Variants in TBL1XR1 observed in about 807,000 individuals in gnomAD.
The protein encoded by TBL1XR1 is TBL1X/Y related 1.
Under a neutral mutation model 66.9 loss-of-function variants are expected in TBL1XR1, and 5 were observed. The ratio of observed to expected loss-of-function variants is 0.07; its 90% CI spans 0.04 to 0.16. TBL1XR1 has a LOEUF of 0.16. TBL1XR1 is among the 10% of genes least tolerant of loss of function. The pLI is 1.00. For synonymous variants in TBL1XR1, 210 were observed against 206.0 expected (o/e 1.02, Z -0.17); for missense variants, 238 against 623.2 (o/e 0.38, Z 6.58).
chr3:177,135,178 T>C (rs1728784507), intron 1 of TBL1XR1, among the ~76,000 whole-genome samples: 1 of 149,612 alleles, frequency 6.7e-6, no homozygotes, highest in Non-Finnish European at 1.5e-5. Flanking sequence ...ATTTTTGTAT[T>C]TTTAGTAGAG....
intron 1 of TBL1XR1, among the ~76,000 whole-genome samples, chr3:177,134,971 G>GTGTC (rs1553852564): frequency 0.016 from 2,396 of 146,158 alleles, 63 homozygotes; most frequent in African/African-American, 0.054. Context: ...GTGTGTCTGT[G>GTGTC]TGTGTGTCTG....
In TBL1XR1 at chr3:177,019,561, A is replaced by T. The variant is rs1712096899; in HGVS notation, c.*5937T>A. ...TGGTACAGCAGAGAAAAGCACCATA[A>T]AACTACCATCTAAAGTGTCTTTTCC... On this transcript the variant is annotated 3_prime_UTR_variant, in exon 16 of 16. Coordinates refer to ENST00000457928, the MANE Select transcript of TBL1XR1 (RefSeq NM_024665.7). 1 of 152,234 alleles carries T rather than the reference A, an allele frequency of 6.6e-6. No individual in the cohort carries two copies. The highest frequency in any genetic ancestry group is 1.5e-5 in the Non-Finnish European group (1 of 68,038). 9.4% of individuals were successfully genotyped at this position (152,234 alleles called of 1,614,324 possible). A position where few individuals can be genotyped will look rare whatever the true frequency, so the allele number is the denominator to read the frequency against.
At chr3:177,061,541 G>A (rs1396281734) in intron 3 of TBL1XR1, among the ~76,000 whole-genome samples, 2 of 152,104 alleles carry the variant, frequency 1.3e-5, no homozygotes, top group Admixed American at 6.5e-5. Flanking sequence ...TTTTAGTTTT[G>A]CTTTTTGGAA....
At chr3:177,059,587 T>C (rs1008185264) in intron 3 of TBL1XR1, among the ~76,000 whole-genome samples, 7 of 152,008 alleles carry the variant, frequency 4.6e-5, no homozygotes, top group African/African-American at 1.4e-4. Context: ...GAAAATCCCA[T>C]TGAAAAAGTT....
chr3:177,023,685 A>T lies in TBL1XR1; in HGVS notation c.*1813T>A, dbSNP rs1397051055. 6.6e-6 allele frequency: 1 copy of T among 152,578 alleles called. No homozygotes were observed. Among genetic ancestry groups the T allele is most frequent in the Non-Finnish European group, 1.5e-5 (1 of 67,970 alleles). 9.5% of individuals were successfully genotyped at this position (152,578 alleles called of 1,614,324 possible). On this transcript the variant is annotated 3_prime_UTR_variant, in exon 16 of 16. Transcript: ENST00000457928. ...CTTAGTAAAACCAAGACTTGCTTCA[A>T]TCAATGCTGTTTTGTAAAAATAGCA... is the stretch of plus-strand genomic sequence containing the variant.
chr3:177,034,813 A>G (rs957176716), intron 12 of TBL1XR1, among the ~76,000 whole-genome samples: 4 of 152,098 alleles, frequency 2.6e-5, no homozygotes, highest in African/African-American at 9.7e-5. Context: ...AAAAAAAAAA[A>G]GTAGAAAAAA....
At chr3:177,087,865 T>C (rs1452032768) in intron 2 of TBL1XR1, among the ~76,000 whole-genome samples, 3 of 152,092 alleles carry the variant, frequency 2.0e-5, no homozygotes, top group South Asian at 2.1e-4. Context: ...CAACCCCAAA[T>C]AGTCAAAATC....
chr3:177,094,964 G>A (rs1306676043), intron 2 of TBL1XR1, among the ~76,000 whole-genome samples: 4 of 150,156 alleles, frequency 2.7e-5, no homozygotes, highest in African/African-American at 7.4e-5. Context: ...CCCAAAAACC[G>A]ACTGAAATAA....
At chr3:177,189,289 G>A (rs865799121) in intron 1 of TBL1XR1, among the ~76,000 whole-genome samples, 5 of 121,140 alleles carry the variant, frequency 4.1e-5, no homozygotes, top group African/African-American at 1.6e-4. Flanking sequence ...AAGCCGAGGT[G>A]GGCAGATAAC....
intron 1 of TBL1XR1, among the ~76,000 whole-genome samples, chr3:177,123,526 G>T (rs142957981): frequency 5.3e-5 from 8 of 152,116 alleles, no homozygotes; most frequent in Non-Finnish European, 8.8e-5. Context: ...CTATTTAAAA[G>T]ATTATTCCAA....
intron 1 of TBL1XR1, among the ~76,000 whole-genome samples, chr3:177,169,156 TA>T (rs1733166461): frequency 6.6e-6 from 1 of 152,224 alleles, no homozygotes; most frequent in Non-Finnish European, 1.5e-5. Flanking sequence ...TCAATAGCGA[TA>T]AAGTGGGAAT....
chr3:177,164,452 C>T (rs192624427), intron 1 of TBL1XR1, among the ~76,000 whole-genome samples: 141 of 151,642 alleles, frequency 9.3e-4, no homozygotes, highest in African/African-American at 3.4e-3. Context: ...CGGGTTGAAG[C>T]GATTCTCCTG....
At chr3:177,030,838 A>C (rs1365234499) in intron 14 of TBL1XR1, among the ~76,000 whole-genome samples, 1 of 152,176 alleles carries the variant, frequency 6.6e-6, no homozygotes, top group Non-Finnish European at 1.5e-5. Context: ...GAGGCCGGGC[A>C]TGGTGGCTCA....
At chr3:177,162,357 T>A (rs1194142591) in intron 1 of TBL1XR1, among the ~76,000 whole-genome samples, 1 of 152,222 alleles carries the variant, frequency 6.6e-6, no homozygotes, top group African/African-American at 2.4e-5. Flanking sequence ...ACTGGAAGAA[T>A]GGACAAGGGA....
Position 177,047,410 on chromosome 3 carries a change from A to G in TBL1XR1, c.767-13T>C. 6.3e-7 allele frequency: 1 copy of G among 1,594,032 alleles called. No individual in the cohort carries two copies. Among genetic ancestry groups the G allele is most frequent in the South Asian group, 1.1e-5 (1 of 88,594 alleles). ...CTAGCAAGGTTACCTAAAATGCAAA[A>G]GAAAAACATTAACATTATTTTAAAT... On this transcript the variant is annotated splice_polypyrimidine_tract_variant and intron_variant, in intron 8 of 15. Transcript: ENST00000457928.
intron 1 of TBL1XR1, among the ~76,000 whole-genome samples, chr3:177,102,176 C>G (rs1724307734): frequency 6.6e-6 from 1 of 152,168 alleles, no homozygotes; most frequent in African/African-American, 2.4e-5. Flanking sequence ...TACCTTTTCT[C>G]TACCTTTGTC....
chr3:177,069,852 GGAAA>G (rs1719733201), intron 2 of TBL1XR1, among the ~76,000 whole-genome samples: 1 of 146,416 alleles, frequency 6.8e-6, no homozygotes, highest in African/African-American at 2.5e-5. Flanking sequence ...AAGGAAGGAA[GGAAA>G]AACAACACAC....
chr3:177,158,042 T>C (rs561394142), intron 1 of TBL1XR1, among the ~76,000 whole-genome samples: 20 of 152,180 alleles, frequency 1.3e-4, no homozygotes, highest in African/African-American at 3.9e-4. Context: ...CATAGGTAGG[T>C]TGGAAAACTG....
At chr3:177,044,502 CTG>C (rs1716046989) in intron 10 of TBL1XR1, among the ~76,000 whole-genome samples, 1 of 152,026 alleles carries the variant, frequency 6.6e-6, no homozygotes, top group African/African-American at 2.4e-5. Context: ...AATCTAATCT[CTG>C]GGGATGGGAG....
Sources: gnomAD v4.1 joint callset for allele counts (sites outside exome capture counted in the v4.1 genomes callset) on GRCh38, gnomAD v4.1.1 for gene constraint, MANE v1.5 for transcripts, NCBI Gene and HGNC (gene_info 2026-07-23, HGNC 2026-07-21) for gene names.